Variants in LRBA observed in about 807,000 individuals in gnomAD.
LRBA encodes lipopolysaccharide-responsive and beige-like anchor protein.
Under a neutral mutation model 330.0 loss-of-function variants are expected in LRBA, and 176 were observed. That is an observed-to-expected ratio of 0.53 (90% CI 0.47 to 0.60). The LOEUF is 0.60. Ranked by LOEUF, LRBA falls within the 20% of genes least tolerant of loss-of-function variation. The pLI is 0.00. For missense variants in LRBA, 3,259 were observed against 3,444.8 expected (o/e 0.95, Z 1.35); for synonymous variants, 1,230 against 1,193.0 (o/e 1.03, Z -0.64).
In LRBA at chr4:150,852,592, T is replaced by C; in HGVS notation, c.3118A>G (p.Asn1040Asp). The C allele has an allele frequency of 6.2e-7, 1 of 1,614,024 alleles. No homozygotes were observed. Residue 1040 changes from asparagine (N) to aspartate (D), a missense_variant, in exon 23 of 57, where the codon AAT (asparagine) becomes GAT (aspartate). Physicochemically the swap from Asn to Asp is conservative, Grantham distance 23. Transcript: ENST00000651943. ...AAATCATCTGCATTCCTTGTCTCAT[T>C]TGTCAGTGTTTCTTCCAAAGTGCCT... ...DEGTLEETLT[N>D]ETRNADDLEV...
At chr4:150,360,765 G>A (rs1294829291) in intron 47 of LRBA, among the ~76,000 whole-genome samples, 2 of 152,206 alleles carry the variant, frequency 1.3e-5, no homozygotes, top group East Asian at 3.8e-4. Flanking sequence ...TACACCTTAG[G>A]AAATGACAGC....
chr4:150,872,797 T>A, intron 17 of LRBA, 42 bp from the exon 18 acceptor site: 1 of 998,780 alleles, frequency 1.0e-6, no homozygotes, highest in Admixed American at 2.2e-5. Flanking sequence ...TTGAGTATAA[T>A]TTTTAAATGG....
At chr4:150,710,060 T>A (rs1028034908) in intron 36 of LRBA, among the ~76,000 whole-genome samples, 1 of 152,098 alleles carries the variant, frequency 6.6e-6, no homozygotes, top group Admixed American at 6.6e-5. Flanking sequence ...ACACTGGCTA[T>A]TCTGCGTAAA....
chr4:150,970,726 G>A (rs960012129), intron 2 of LRBA: 3 of 152,054 alleles, frequency 2.0e-5, no homozygotes, highest in South Asian at 2.1e-4. Flanking sequence ...GCCTAACTCC[G>A]CTTAGCTTCA....
chr4:150,825,044 G>A (rs1746019795), intron 30 of LRBA, among the ~76,000 whole-genome samples: 1 of 151,468 alleles, frequency 6.6e-6, no homozygotes, highest in South Asian at 2.1e-4. Context: ...AATTGCAGGT[G>A]TGAGTCACTG....
intron 35 of LRBA, among the ~76,000 whole-genome samples, chr4:150,757,212 G>A (rs1198783940): frequency 2.0e-5 from 3 of 152,078 alleles, no homozygotes; most frequent in African/African-American, 7.2e-5. Flanking sequence ...CCAAAACAAT[G>A]TATTTAAAAA....
At chr4:150,805,433 G>T (rs1560841704) in intron 33 of LRBA, among the ~76,000 whole-genome samples, 1 of 113,056 alleles carries the variant, frequency 8.8e-6, no homozygotes, top group African/African-American at 3.6e-5. Flanking sequence ...GAAAGGAAAG[G>T]AAAGGAAGGA....
At chr4:150,953,171 T>A (rs1424976124) in intron 2 of LRBA, among the ~76,000 whole-genome samples, 1 of 152,066 alleles carries the variant, frequency 6.6e-6, no homozygotes, top group Non-Finnish European at 1.5e-5. Flanking sequence ...AAAATTAGGG[T>A]AACTAATCCT....
chr4:150,631,814 C>A (rs571017627), intron 37 of LRBA, among the ~76,000 whole-genome samples: 1 of 152,186 alleles, frequency 6.6e-6, no homozygotes, highest in Admixed American at 6.5e-5. Flanking sequence ...TTAGTTGGGA[C>A]ATGTTGAGTT....
At chr4:150,350,834 T>G (rs888707349) in intron 47 of LRBA, among the ~76,000 whole-genome samples, 1 of 152,182 alleles carries the variant, frequency 6.6e-6, no homozygotes, top group African/African-American at 2.4e-5. Flanking sequence ...TTTGGGAAAC[T>G]AAATGTGAAA....
chr4:150,556,973 G>A (rs1209164789), intron 40 of LRBA, among the ~76,000 whole-genome samples: 3 of 152,142 alleles, frequency 2.0e-5, no homozygotes, highest in African/African-American at 4.8e-5. Context: ...TTAAAAGGAC[G>A]TTTGTTATGT....
chr4:150,487,881 T>A (rs778196239), intron 41 of LRBA, 47 bp from the exon 42 acceptor site: 25 of 1,005,724 alleles, frequency 2.5e-5, no homozygotes, highest in Non-Finnish European at 3.3e-5. Context: ...TAACTTCCTT[T>A]CTGGAAAACT....
At chr4:150,632,158 G>GGC (rs1777443601) in intron 37 of LRBA, among the ~76,000 whole-genome samples, 1 of 151,904 alleles carries the variant, frequency 6.6e-6, no homozygotes, top group Non-Finnish European at 1.5e-5. Flanking sequence ...TTGAGCCCAG[G>GGC]AGGCAGAGGT....
chr4:150,876,983 G>A (rs1016284393), intron 17 of LRBA, among the ~76,000 whole-genome samples: 46 of 152,288 alleles, frequency 3.0e-4, no homozygotes, highest in African/African-American at 1.1e-3. Flanking sequence ...GCTGGGCGCA[G>A]TGGCTCACGC....
rs146616423 is a variant in LRBA at position 150,765,810 on chromosome 4, T to C, written c.5581-3963A>G. 7.8e-3 allele frequency among the ~76,000 whole-genome samples: 1,180 copies of C among 152,214 alleles called. 12 individuals carry two copies. The highest frequency in any genetic ancestry group is 0.027 in the African/African-American group (1,122 of 41,568). Reference sequence around the variant, plus strand: ...TTTCATTATATACAGAAACTTTTAATTACATTGTCAAATCAGAAATTGTGC... The same window carrying C: ...TTTCATTATATACAGAAACTTTTAACTACATTGTCAAATCAGAAATTGTGC... On this transcript the variant is annotated intron_variant, in intron 34 of 56. Transcript: ENST00000651943.
rs1177409181 is a variant in LRBA, at chr4:150,567,181, A to G, written c.6330+20867T>C. ...AAACTTACCTAAAATGATAATAACA[A>G]CTGCTACTTGGCCCTCCATGTATTT... On this transcript the variant is annotated intron_variant, in intron 40 of 56. Coordinates refer to ENST00000651943, the MANE Select transcript of LRBA (RefSeq NM_001364905.1). Among the ~76,000 whole-genome samples, 12 of 152,116 alleles carry G rather than the reference A, an allele frequency of 7.9e-5. No individual in the cohort carries two copies. The East Asian group carries it at 2.1e-3, about 27-fold the overall frequency.
chr4:150,922,234 A>G (rs1324382352), intron 4 of LRBA, among the ~76,000 whole-genome samples: 1 of 152,106 alleles, frequency 6.6e-6, no homozygotes, highest in Non-Finnish European at 1.5e-5. Flanking sequence ...AATACTTAAT[A>G]ATTTAACAAA....
chr4:150,810,761 C>G (rs1390699351), intron 31 of LRBA, among the ~76,000 whole-genome samples: 1 of 152,132 alleles, frequency 6.6e-6, no homozygotes, highest in Non-Finnish European at 1.5e-5. Flanking sequence ...GCCACCACAC[C>G]TGGCTATTTT....
intron 47 of LRBA, among the ~76,000 whole-genome samples, chr4:150,409,424 C>T (rs1056749833): frequency 6.6e-6 from 1 of 152,116 alleles, no homozygotes; most frequent in African/African-American, 2.4e-5. Context: ...TCCTTCCTTT[C>T]CCCACAGTTC....
Sources: gnomAD v4.1 joint callset for allele counts (sites outside exome capture counted in the v4.1 genomes callset) on GRCh38, gnomAD v4.1.1 for gene constraint, MANE v1.5 for transcripts, NCBI Gene and HGNC (gene_info 2026-07-23, HGNC 2026-07-21) for gene names.